The following ZBTB16 variants were observed in gnomAD, a reference collection of about 807,000 sequenced individuals.
ZBTB16 encodes zinc finger and BTB domain containing 16, also known as zinc finger and BTB domain-containing protein 16.
ZBTB16 carries 8 observed loss-of-function variants against 56.8 expected under a neutral mutation model. The observed-to-expected ratio is 0.14, with a 90% CI of 0.08 to 0.25. The LOEUF is 0.25. Among genes scored for constraint, ZBTB16 ranks in the 10% least tolerant of loss-of-function variants. The pLI is 1.00. For synonymous variants in ZBTB16, 363 were observed against 368.5 expected, an observed-to-expected ratio of 0.98 and a Z score of 0.17; for missense variants, 625 against 903.0, an observed-to-expected ratio of 0.69 and a Z score of 3.95.
At chr11:114,156,692 A>C (rs1942422370) in intron 3 of ZBTB16, among the ~76,000 whole-genome samples, 1 of 152,192 alleles carries the variant, frequency 6.6e-6, no homozygotes, top group South Asian at 2.1e-4. Flanking sequence ...TGTGTGATCT[A>C]CCTTCCAAAG....
intron 4 of ZBTB16, among the ~76,000 whole-genome samples, chr11:114,233,079 GCGCACACACACACACA>G (rs1433019664): frequency 7.4e-5 from 4 of 53,762 alleles, no homozygotes; most frequent in African/African-American, 1.2e-4. Flanking sequence ...GCGCGCGCGC[GCGCACACACACACACA>G]CACACACACA....
intron 4 of ZBTB16, among the ~76,000 whole-genome samples, chr11:114,219,762 G>A (rs185509517): frequency 1.4e-4 from 21 of 152,316 alleles, no homozygotes; most frequent in Admixed American, 3.9e-4. Context: ...TCTGGGAAGC[G>A]TGCAGAGTGG....
chr11:114,250,671 A>G lies in ZBTB16; in HGVS notation c.*116A>G, dbSNP rs1316436461. The G allele has an allele frequency of 1.6e-6, 2 of 1,212,688 alleles. No individual in the cohort carries two copies. The highest frequency in any genetic ancestry group is 5.1e-5 in the East Asian group (2 of 39,392). The allele number at this position is 1,212,688 out of a possible 1,614,324, so 75.1% of individuals were successfully genotyped here. ...AAAGAAAAAAAAAAACAGAAGGAAA[A>G]GGAAACCTGGTAGCTTTTTGGCCTT... On this transcript the variant is annotated 3_prime_UTR_variant, in exon 7 of 7. Transcript: ENST00000335953. This position sits in a 1 kb window ranked among gnomAD's most constrained non-coding sequence, Gnocchi z 6.0.
intron 3 of ZBTB16, among the ~76,000 whole-genome samples, chr11:114,174,542 G>A (rs544853839): frequency 3.3e-4 from 50 of 152,234 alleles, no homozygotes; most frequent in Middle Eastern, 3.4e-3. Context: ...TTAGCCGGGC[G>A]TGGTGGCATG....
intron 4 of ZBTB16, among the ~76,000 whole-genome samples, chr11:114,194,223 T>C (rs1478369932): frequency 1.3e-5 from 2 of 152,258 alleles, no homozygotes. Flanking sequence ...TTCATGGAGC[T>C]CACGTGTGGC....
At chr11:114,188,649 G>A (rs568161940) in intron 4 of ZBTB16, 15 of 152,258 alleles carry the variant, frequency 9.9e-5, no homozygotes, top group African/African-American at 3.4e-4. Context: ...GCACTGTTTA[G>A]GCATTTAAGA....
chr11:114,115,424 T>G (rs1418534201), intron 2 of ZBTB16, among the ~76,000 whole-genome samples: 1 of 151,600 alleles, frequency 6.6e-6, no homozygotes, highest in Non-Finnish European at 1.5e-5. Context: ...TTGTTGGGAC[T>G]TCAAGAGGAC....
chr11:114,133,534 G>A (rs1187109864), intron 2 of ZBTB16, among the ~76,000 whole-genome samples: 7 of 152,196 alleles, frequency 4.6e-5, no homozygotes, highest in Admixed American at 4.6e-4. Context: ...TAAATTTTAA[G>A]GCTTGAGCTT....
At chr11:114,126,473 GT>G (rs1941511003) in intron 2 of ZBTB16, among the ~76,000 whole-genome samples, 1 of 152,192 alleles carries the variant, frequency 6.6e-6, no homozygotes, top group Non-Finnish European at 1.5e-5. Flanking sequence ...GTCTTCTGGG[GT>G]TGGTCCTGGG....
At chr11:114,237,263 C>T (rs1003990058) in intron 4 of ZBTB16, 5 of 152,180 alleles carry the variant, frequency 3.3e-5, no homozygotes, top group Admixed American at 3.3e-4. Flanking sequence ...ATATCTCATT[C>T]GATGTTCTTG....
chr11:114,240,429 T>A (rs529592756), intron 4 of ZBTB16, among the ~76,000 whole-genome samples: 8 of 152,234 alleles, frequency 5.3e-5, no homozygotes, highest in African/African-American at 1.9e-4. Flanking sequence ...AGCCCATGGC[T>A]TCCAGCAGCC....
At chr11:114,156,088 T>C (rs1258041554) in intron 2 of ZBTB16, among the ~76,000 whole-genome samples, 1 of 152,198 alleles carries the variant, frequency 6.6e-6, no homozygotes, top group Admixed American at 6.5e-5. Flanking sequence ...ATTTTTTTTC[T>C]TGGTCCATGT....
Position 114,254,852 on chromosome 11 carries a change from C to T in ZBTB16, c.*4297C>T, listed in dbSNP as rs959245429. Among the ~76,000 whole-genome samples the T allele has an allele frequency of 1.2e-4, 18 of 152,088 alleles. No individual in the cohort carries two copies. The highest frequency in any genetic ancestry group is 2.2e-4 in the Non-Finnish European group (15 of 68,022). The stretch of plus-strand genomic sequence containing the variant: ...GGGAGAGGAAAAAGGCAGAGATGGC[C>T]AGGAGAGGGGTGCAGGACAAACCAG... On this transcript the variant is annotated 3_prime_UTR_variant, in exon 7 of 7. Coordinates refer to ENST00000335953, the MANE Select transcript of ZBTB16 (RefSeq NM_006006.6).
intron 2 of ZBTB16, among the ~76,000 whole-genome samples, chr11:114,115,352 T>TC (rs890389559): frequency 2.6e-5 from 4 of 151,692 alleles, no homozygotes; most frequent in African/African-American, 9.7e-5. Flanking sequence ...TTTTTTTTTT[T>TC]TTTTTTTTTT....
In ZBTB16 at chr11:114,064,549, G is replaced by A; in HGVS notation, c.1249G>A (p.Glu417Lys). 1.9e-6 allele frequency: 3 copies of A among 1,613,902 alleles called. No homozygotes were observed. The highest frequency in any genetic ancestry group is 2.5e-6 in the Non-Finnish European group (3 of 1,180,004). ...SVCGVELPDN[E>K]AVEQHRKLHS... is the part of the protein sequence containing the mutation. ...GTGTGGGGTCGAGCTTCCTGATAAC[G>A]AGGCTGTGGAGCAGCACAGGTAGGC... Residue 417 changes from glutamate (E) to lysine (K), a missense_variant, in exon 2 of 7, where the codon GAG becomes AAG. Coordinates refer to ENST00000335953, the MANE Select transcript of ZBTB16 (RefSeq NM_006006.6). The surrounding 1 kb of genome is among the most constrained non-coding windows in gnomAD (Gnocchi z 4.2).
chr11:114,100,997 G>GGTTT (rs1162025949), intron 2 of ZBTB16, among the ~76,000 whole-genome samples: 3 of 151,824 alleles, frequency 2.0e-5, no homozygotes, highest in African/African-American at 7.3e-5. Flanking sequence ...GTTGCAAGCT[G>GGTTT]GTTTGTTTGT....
chr11:114,089,386 A>G (rs1057149553), intron 2 of ZBTB16, among the ~76,000 whole-genome samples: 1 of 152,164 alleles, frequency 6.6e-6, no homozygotes, highest in Non-Finnish European at 1.5e-5. Context: ...TTGTTATACC[A>G]CGATATTGAT....
At chr11:114,229,096 T>A (rs1182913593) in intron 4 of ZBTB16, among the ~76,000 whole-genome samples, 4 of 152,172 alleles carry the variant, frequency 2.6e-5, no homozygotes, top group Non-Finnish European at 4.4e-5. Context: ...CAAAGTCAGA[T>A]CCCTTTTTGG....
At position 114,162,750 on chromosome 11, in the gene ZBTB16, G is replaced by C. The variant is rs762357253; in HGVS notation, c.1366+6316G>C. ...GTTTTTGGGTCAAGGAAGTGGAGAA[G>C]ATCAGATGGGGGTGGCTCAGAGGCC... On this transcript the variant is annotated intron_variant, in intron 3 of 6. Coordinates refer to ENST00000335953, the MANE Select transcript of ZBTB16 (RefSeq NM_006006.6). Among the ~76,000 whole-genome samples, 13 of 152,196 alleles carry C rather than the reference G, an allele frequency of 8.5e-5. 1 individual carries two copies. Among genetic ancestry groups the C allele is most frequent in the Admixed American group, 4.6e-4 (7 of 15,288 alleles).
Sources: gnomAD v4.1 joint callset for allele counts (sites outside exome capture counted in the v4.1 genomes callset) on GRCh38, gnomAD v4.1.1 for gene constraint, Gnocchi (gnomAD v3.1) non-coding constraint, MANE v1.5 for transcripts, NCBI Gene and HGNC (gene_info 2026-07-23, HGNC 2026-07-21) for gene names.